PRKCE: variants seen among roughly 807,000 people sequenced by gnomAD.
The protein encoded by PRKCE is protein kinase C epsilon type.
A neutral mutation model predicts 85.4 loss-of-function variants in PRKCE; 16 were observed. The observed-to-expected ratio is 0.19, with a 90% confidence interval of 0.13 to 0.28. The LOEUF (loss-of-function observed/expected upper bound fraction) is 0.28, where lower values mean the gene tolerates loss of function less well. Ranked by LOEUF, PRKCE falls within the 10% of genes least tolerant of loss-of-function variation. PRKCE has a pLI of 1.00. For synonymous variants in PRKCE, 388 were observed against 371.5 expected (o/e 1.04, Z -0.51); for missense variants, 573 against 975.2 (o/e 0.59, Z 5.49).
At chr2:45,992,160 G>C (rs1402701497) in intron 6 of PRKCE, among the ~76,000 whole-genome samples, 1 of 152,214 alleles carries the variant, frequency 6.6e-6, no homozygotes, top group Non-Finnish European at 1.5e-5. Context: ...CTGGAAAGGG[G>C]TGTAGGGAGA....
chr2:46,150,486 T>C (rs1029462718), intron 12 of PRKCE, among the ~76,000 whole-genome samples: 3 of 152,208 alleles, frequency 2.0e-5, no homozygotes, highest in African/African-American at 7.2e-5. Flanking sequence ...TGGTCCTTTA[T>C]AGGGAGACCA....
At chr2:45,718,930 CAG>C (rs1680378403) in intron 1 of PRKCE, among the ~76,000 whole-genome samples, 1 of 152,162 alleles carries the variant, frequency 6.6e-6, no homozygotes, top group African/African-American at 2.4e-5. Context: ...TAAAAACAAA[CAG>C]ATTTCTTTAT....
intron 2 of PRKCE, among the ~76,000 whole-genome samples, chr2:45,844,862 A>G (rs1432140745): frequency 6.6e-6 from 1 of 152,162 alleles, no homozygotes; most frequent in Non-Finnish European, 1.5e-5. Flanking sequence ...AATCAGAAGC[A>G]ATTGATTTTT....
intron 1 of PRKCE, among the ~76,000 whole-genome samples, chr2:45,796,556 G>C (rs1418151467): frequency 1.3e-5 from 2 of 152,060 alleles, no homozygotes; most frequent in Non-Finnish European, 2.9e-5. Context: ...CTTGACTTGG[G>C]CAATCTGCTT....
At chr2:46,038,651 TCACA>T (rs3222422) in intron 10 of PRKCE, among the ~76,000 whole-genome samples, 25,922 of 128,292 alleles carry the variant, frequency 0.2, 2,467 homozygotes, top group Middle Eastern at 0.23. Flanking sequence ...AGTAACAACT[TCACA>T]CACACACACA....
At chr2:46,037,072 C>T (rs1707910384) in intron 10 of PRKCE, among the ~76,000 whole-genome samples, 1 of 152,164 alleles carries the variant, frequency 6.6e-6, no homozygotes, top group South Asian at 2.1e-4. Context: ...TTGGGTTCAG[C>T]CCCTTCATTT....
intron 2 of PRKCE, among the ~76,000 whole-genome samples, chr2:45,937,376 C>T (rs545510544): frequency 9.2e-4 from 140 of 152,328 alleles, no homozygotes; most frequent in African/African-American, 3.3e-3. Context: ...TGGAGGCTAA[C>T]ACCTGGTAGG....
chr2:45,837,328 C>G (rs1336074253), intron 1 of PRKCE, among the ~76,000 whole-genome samples: 1 of 152,192 alleles, frequency 6.6e-6, no homozygotes, highest in Admixed American at 6.5e-5. Flanking sequence ...GCGATCTTGC[C>G]TCACTGCAGC....
At chr2:46,106,384 A>G (rs954902481) in intron 11 of PRKCE, among the ~76,000 whole-genome samples, 3 of 152,198 alleles carry the variant, frequency 2.0e-5, no homozygotes, top group Non-Finnish European at 2.9e-5. Flanking sequence ...TTCCCAGTAT[A>G]TATGCATAGA....
At chr2:45,660,105 A>G (rs1307557316) in intron 1 of PRKCE, among the ~76,000 whole-genome samples, 1 of 152,208 alleles carries the variant, frequency 6.6e-6, no homozygotes, top group African/African-American at 2.4e-5. Context: ...GTATTTCTAT[A>G]GTACCTACTA....
chr2:45,728,303 T>C (rs1477144869), intron 1 of PRKCE, among the ~76,000 whole-genome samples: 1 of 152,200 alleles, frequency 6.6e-6, no homozygotes, highest in Non-Finnish European at 1.5e-5. Flanking sequence ...AAATTTTTTA[T>C]TTTTATTTTT....
At chr2:46,092,644 G>T (rs1670282466) in intron 11 of PRKCE, among the ~76,000 whole-genome samples, 1 of 152,296 alleles carries the variant, frequency 6.6e-6, no homozygotes, top group East Asian at 1.9e-4. Flanking sequence ...CAGAGCTGGG[G>T]AACAAAGCCC....
rs76735187 is a variant in PRKCE at position 46,172,156 on chromosome 2, G to A, written c.2067+12404G>A. On this transcript the variant is annotated intron_variant, in intron 14 of 14. Transcript: ENST00000306156. Reference sequence around the variant, plus strand: ...TGCCGTCCTCCAGAGACTCTGCAGCGTTCATTCCATTAGCTGGGAGCCTGC... The same window carrying A: ...TGCCGTCCTCCAGAGACTCTGCAGCATTCATTCCATTAGCTGGGAGCCTGC... Among the ~76,000 whole-genome samples the A allele has an allele frequency of 1.3e-3, 195 of 152,310 alleles. 1 individual carries two copies. The highest frequency in any genetic ancestry group is 4.1e-3 in the African/African-American group (170 of 41,564).
chr2:45,858,565 T>A (rs1375297146), intron 2 of PRKCE, among the ~76,000 whole-genome samples: 3 of 152,208 alleles, frequency 2.0e-5, no homozygotes, highest in Admixed American at 6.5e-5. Flanking sequence ...GCCAGTGCCT[T>A]TCAGCCCCTG....
chr2:45,875,453 A>G (rs1694403127), intron 2 of PRKCE, among the ~76,000 whole-genome samples: 1 of 152,252 alleles, frequency 6.6e-6, no homozygotes, highest in Admixed American at 6.5e-5. Flanking sequence ...ATCAGAGTCC[A>G]GCTCTGGAGG....
At chr2:45,815,728 T>C (rs953653866) in intron 1 of PRKCE, among the ~76,000 whole-genome samples, 3 of 152,226 alleles carry the variant, frequency 2.0e-5, no homozygotes, top group Non-Finnish European at 4.4e-5. Context: ...TTGTAAGGAA[T>C]AACTAGGGAG....
intron 10 of PRKCE, among the ~76,000 whole-genome samples, chr2:46,062,638 A>G (rs1667252729): frequency 6.9e-6 from 1 of 144,628 alleles, no homozygotes; most frequent in Non-Finnish European, 1.5e-5. Flanking sequence ...TATTCTTTTA[A>G]GTAGGAGTTG....
intron 1 of PRKCE, among the ~76,000 whole-genome samples, chr2:45,823,080 T>C (rs1295526867): frequency 6.6e-6 from 1 of 152,240 alleles, no homozygotes; most frequent in Non-Finnish European, 1.5e-5. Context: ...GTATGGACTC[T>C]GTCCCCAAGG....
At chr2:45,850,324 A>G (rs1397246547) in intron 2 of PRKCE, among the ~76,000 whole-genome samples, 3 of 152,214 alleles carry the variant, frequency 2.0e-5, no homozygotes, top group Non-Finnish European at 4.4e-5. Flanking sequence ...TGGATTTCTA[A>G]TAGATCCTTG....
Sources: allele counts gnomAD v4.1 joint callset (sites outside exome capture counted in the v4.1 genomes callset), GRCh38; gene constraint gnomAD v4.1.1; transcripts MANE v1.5; gene names NCBI Gene and HGNC (gene_info 2026-07-23, HGNC 2026-07-21).